The following KRABD4 variants were observed in gnomAD, a reference collection of about 807,000 sequenced individuals.
KRABD4 encodes KRAB domain containing 4, also known as KRAB domain-containing protein 4.
At chrX:46,455,972 C>A in the KRABD4 span, 1 of 313,590 alleles carries the variant, frequency 3.2e-6, no homozygotes. Flanking sequence ...CGCTGCCATC[C>A]AGAGTTGGAA....
At chrX:46,464,934 CTT>C in the KRABD4 span, among the ~76,000 whole-genome samples, 1 of 15,232 alleles carries the variant, frequency 6.6e-5, no homozygotes, top group African/African-American at 4.1e-4. Context: ...CCAAGGGCAG[CTT>C]CTTCTAAAGA....
At chrX:46,468,545 A>G in the KRABD4 span, among the ~76,000 whole-genome samples, 1 of 110,163 alleles carries the variant, frequency 9.1e-6, no homozygotes, top group Admixed American at 9.8e-5. Flanking sequence ...CTCTGTCTCA[A>G]AAAAAAAATG....
the KRABD4 span, among the ~76,000 whole-genome samples, chrX:46,453,449 CTT>C: frequency 9.2e-6 from 1 of 108,181 alleles, no homozygotes. Flanking sequence ...GTGCAAGAAA[CTT>C]TTTTTTTTAA....
the KRABD4 span, among the ~76,000 whole-genome samples, chrX:46,468,181 G>A: frequency 1.8e-5 from 2 of 111,058 alleles, no homozygotes; most frequent in Non-Finnish European, 3.8e-5. Context: ...TAATATTTTT[G>A]AAAAGAATAT....
chrX:46,455,839 TGA>T, the KRABD4 span: 3 of 343,261 alleles, frequency 8.7e-6, no homozygotes, highest in Non-Finnish European at 1.6e-5. Context: ...ATAGTAAGCA[TGA>T]GGTAGACCTT....
chrX:46,472,616 G>T, the KRABD4 span: 1 of 661,828 alleles, frequency 1.5e-6, no homozygotes, highest in East Asian at 3.3e-5. Context: ...GTGGGACATG[G>T]GGAGGGTCCA....
At chrX:46,447,807 T>A in the KRABD4 span, among the ~76,000 whole-genome samples, 1 of 111,930 alleles carries the variant, frequency 8.9e-6, no homozygotes, top group African/African-American at 3.3e-5. Flanking sequence ...AGGAATCTTT[T>A]TTTTCTTTTC....
At chrX:46,474,192 A>T in the KRABD4 span, 2 of 112,291 alleles carry the variant, frequency 1.8e-5, no homozygotes, top group Admixed American at 1.9e-4. Flanking sequence ...GACTTAATAA[A>T]GAAAAAAAAT....
At chrX:46,471,118 T>C in the KRABD4 span, 3 of 1,160,907 alleles carry the variant, frequency 2.6e-6, no homozygotes, top group South Asian at 1.9e-5. Context: ...ACAATAATTG[T>C]GGATTTGTCT....
chrX:46,461,702 C>G, the KRABD4 span, among the ~76,000 whole-genome samples: 1 of 111,613 alleles, frequency 9.0e-6, no homozygotes, highest in Non-Finnish European at 1.9e-5. Flanking sequence ...AAGCACAGAC[C>G]TTTCCCCTTT....
the KRABD4 span, chrX:46,455,706 G>A: frequency 5.2e-5 from 20 of 381,929 alleles, no homozygotes; most frequent in Admixed American, 6.8e-4. Flanking sequence ...GTACACTGCT[G>A]TGTGAACGTT....
chrX:46,461,920 C>A, the KRABD4 span, among the ~76,000 whole-genome samples: 685 of 107,188 alleles, frequency 6.4e-3, 5 homozygotes, highest in African/African-American at 0.022. Flanking sequence ...AGGCTTCCTC[C>A]CTGCCTCTGT....
At chrX:46,458,884 G>A in the KRABD4 span, among the ~76,000 whole-genome samples, 8 of 111,527 alleles carry the variant, frequency 7.2e-5, no homozygotes, top group African/African-American at 2.6e-4. Context: ...AACTTCACAT[G>A]GATGAGGAGG....
At chrX:46,468,618 T>C in the KRABD4 span, among the ~76,000 whole-genome samples, 13 of 110,146 alleles carry the variant, frequency 1.2e-4, no homozygotes, top group African/African-American at 4.3e-4. Flanking sequence ...AAATTGAAAA[T>C]TAAGAATTTA....
chrX:46,463,109 G>A, the KRABD4 span: 4 of 1,023,860 alleles, frequency 3.9e-6, no homozygotes. Context: ...GTGTGCATGG[G>A]GCCATCACCT....
chrX:46,463,170 G>A, the KRABD4 span: 63 of 1,191,940 alleles, frequency 5.3e-5, no homozygotes, highest in African/African-American at 2.6e-4. Context: ...CATTAATAAC[G>A]AAGTCCTATG....
the KRABD4 span, chrX:46,447,341 G>A: frequency 1.8e-5 from 2 of 110,995 alleles, no homozygotes; most frequent in African/African-American, 3.3e-5. Flanking sequence ...GGCTCTTGGC[G>A]GTGAAGTAAG....
the KRABD4 span, among the ~76,000 whole-genome samples, chrX:46,466,557 A>G: frequency 8.9e-6 from 1 of 112,369 alleles, no homozygotes; most frequent in Admixed American, 9.5e-5. Context: ...CAGGCATATC[A>G]TTAATTAGAG....
the KRABD4 span, chrX:46,462,603 G>C: frequency 9.5e-7 from 1 of 1,048,182 alleles, no homozygotes; most frequent in African/African-American, 1.9e-5. Flanking sequence ...ACCTGGGTTA[G>C]TTACTTAGGC....
Sources: gnomAD v4.1 joint callset for allele counts (sites outside exome capture counted in the v4.1 genomes callset) on GRCh38, gnomAD v4.1.1 for gene constraint, MANE v1.5 for transcripts, NCBI Gene and HGNC (gene_info 2026-07-23, HGNC 2026-07-21) for gene names.